CNTN4: variants seen among roughly 807,000 people sequenced by gnomAD.
CNTN4 encodes the protein contactin-4.
A neutral mutation model predicts 122.5 loss-of-function variants in CNTN4; 77 were observed. That is an observed-to-expected ratio of 0.63 (90% confidence interval 0.52 to 0.76). The LOEUF is 0.76. Among genes scored for constraint, CNTN4 ranks in the 30% least tolerant of loss-of-function variants. The pLI, the probability that CNTN4 is intolerant of heterozygous loss-of-function variation, is 0.00. For synonymous variants in CNTN4, 512 were observed against 447.0 expected, an observed-to-expected ratio of 1.15 and a Z score of -1.83; for missense variants, 1,256 against 1,259.1, an observed-to-expected ratio of 1.00 and a Z score of 0.04.
chr3:2,671,469 G>A (rs943122201), intron 4 of CNTN4, among the ~76,000 whole-genome samples: 2 of 151,998 alleles, frequency 1.3e-5, no homozygotes, highest in Non-Finnish European at 2.9e-5. Context: ...CCCTTCATTG[G>A]TTATTCTAGT....
chr3:2,768,215 G>A (rs192653627), intron 6 of CNTN4, among the ~76,000 whole-genome samples: 4 of 152,176 alleles, frequency 2.6e-5, no homozygotes, highest in African/African-American at 4.8e-5. Flanking sequence ...TGGCGAATCC[G>A]GTAATATAAA....
chr3:2,415,250 C>G (rs1283250370), intron 3 of CNTN4, among the ~76,000 whole-genome samples: 1 of 152,132 alleles, frequency 6.6e-6, no homozygotes, highest in East Asian at 1.9e-4. Context: ...GCATGAATGA[C>G]CATTCAAGGA....
intron 3 of CNTN4, among the ~76,000 whole-genome samples, chr3:2,485,268 C>T (rs990045533): frequency 2.0e-5 from 3 of 152,210 alleles, no homozygotes; most frequent in African/African-American, 4.8e-5. Context: ...CCGGTCCCAT[C>T]GACTGCCCAA....
rs752325056 is a variant in CNTN4, at chr3:2,819,586, A to G, written c.454+5A>G. 1 of 1,598,942 alleles carries G rather than the reference A, an allele frequency of 6.3e-7. No individual in the cohort carries two copies. The highest frequency in any genetic ancestry group is 1.1e-5 in the South Asian group (1 of 90,778). On this transcript the variant is annotated splice_donor_5th_base_variant and intron_variant, in intron 7 of 24. Coordinates refer to ENST00000418658, the MANE Select transcript of CNTN4 (RefSeq NM_175607.3). ...GCCCGCCACCCCATTCTGGAGGTAC[A>G]TATAAATGAACTGACATATGCATGC...
rs1234965735 is a variant in CNTN4 at position 2,459,313 on chromosome 3, G to A, written c.-88-112103G>A. Among the ~76,000 whole-genome samples the A allele has an allele frequency of 2.6e-5, 4 of 152,132 alleles. No individual in the cohort carries two copies. In the South Asian group the frequency reaches 6.2e-4, roughly 24 times the overall value. On this transcript the variant is annotated intron_variant, in intron 3 of 24. Transcript: ENST00000418658. ...GTTGTATGCATATCTAAAATAAAATGTGCATTTAGAATTGGCCACATGTGG... is the reference window on the plus strand; with the variant it reads ...GTTGTATGCATATCTAAAATAAAATATGCATTTAGAATTGGCCACATGTGG...
chr3:2,855,038 C>T (rs747424425), intron 7 of CNTN4, among the ~76,000 whole-genome samples: 1 of 152,132 alleles, frequency 6.6e-6, no homozygotes, highest in Non-Finnish European at 1.5e-5. Flanking sequence ...ACGAGTGACC[C>T]GTACAATACT....
At chr3:2,576,017 A>G (rs1294788297) in intron 4 of CNTN4, among the ~76,000 whole-genome samples, 2 of 151,676 alleles carry the variant, frequency 1.3e-5, no homozygotes, top group East Asian at 3.9e-4. Flanking sequence ...TTGTATTTTT[A>G]GTAGAGACGG....
intron 8 of CNTN4, among the ~76,000 whole-genome samples, chr3:2,880,060 A>G (rs1198536994): frequency 6.6e-6 from 1 of 152,192 alleles, no homozygotes; most frequent in East Asian, 1.9e-4. Flanking sequence ...GGACGCGGAG[A>G]TAACAGTTCA....
In CNTN4 at chr3:2,329,744, T is replaced by TA. The variant is rs397761721; in HGVS notation, c.-144-9433dup. Among the ~76,000 whole-genome samples, 28 of 152,052 alleles carry TA rather than the reference T, an allele frequency of 1.8e-4. 1 individual carries two copies. Among genetic ancestry groups the TA allele is most frequent in the East Asian group, 7.7e-4 (4 of 5,168 alleles). ...TCTGCCTTATTGAGGCATTTTTTTT[T>TA]ATTAAAAACAGCCTTTGCTTTGTAC... On this transcript the variant is annotated intron_variant, in intron 2 of 24. Coordinates refer to ENST00000418658, the MANE Select transcript of CNTN4 (RefSeq NM_175607.3).
chr3:2,822,231 G>A (rs548587828), intron 7 of CNTN4, among the ~76,000 whole-genome samples: 124 of 152,296 alleles, frequency 8.1e-4, no homozygotes, highest in African/African-American at 2.9e-3. Flanking sequence ...TTTGGACTCT[G>A]GGATATGAGT....
At chr3:2,723,515 G>A (rs1307478733) in intron 4 of CNTN4, among the ~76,000 whole-genome samples, 2 of 152,188 alleles carry the variant, frequency 1.3e-5, no homozygotes, top group Non-Finnish European at 2.9e-5. Context: ...GTGGCACCCT[G>A]TTATTGCGTC....
intron 2 of CNTN4, among the ~76,000 whole-genome samples, chr3:2,296,830 G>T (rs2042333409): frequency 6.7e-6 from 1 of 149,884 alleles, no homozygotes; most frequent in African/African-American, 2.5e-5. Context: ...CAATGAGGTA[G>T]AAAATTGGAT....
At chr3:2,188,165 C>T (rs1294953254) in intron 2 of CNTN4, among the ~76,000 whole-genome samples, 2 of 152,104 alleles carry the variant, frequency 1.3e-5, no homozygotes, top group African/African-American at 2.4e-5. Flanking sequence ...TAGAATTTTC[C>T]TGGGTGCTTC....
At chr3:2,166,946 G>C (rs909118094) in intron 2 of CNTN4, among the ~76,000 whole-genome samples, 2 of 151,990 alleles carry the variant, frequency 1.3e-5, no homozygotes, top group South Asian at 4.1e-4. Flanking sequence ...AGAAAGAAAC[G>C]AGAAAATATA....
At chr3:2,323,348 G>C (rs1437003375) in intron 2 of CNTN4, among the ~76,000 whole-genome samples, 1 of 152,108 alleles carries the variant, frequency 6.6e-6, no homozygotes, top group Admixed American at 6.6e-5. Flanking sequence ...GAAAATGGGA[G>C]AACGTTGTTG....
At position 3,012,443 on chromosome 3, in the gene CNTN4, G is replaced by GT. The variant is rs573609646; in HGVS notation, c.1487-13653dup. Among the ~76,000 whole-genome samples, 157 of 151,912 alleles carry GT rather than the reference G, an allele frequency of 1.0e-3. 1 individual carries two copies. The highest frequency in any genetic ancestry group is 3.5e-3 in the African/African-American group (147 of 41,462). ...TATTCTTGTTTGTTTGATCGGTTTG[G>GT]TTTTTTGTTTTTGTTTTTGTTTTTG... On this transcript the variant is annotated intron_variant, in intron 14 of 24. Coordinates refer to ENST00000418658, the MANE Select transcript of CNTN4 (RefSeq NM_175607.3).
At chr3:2,750,333 TTATTTC>T (rs1294666788) in intron 6 of CNTN4, among the ~76,000 whole-genome samples, 3 of 152,250 alleles carry the variant, frequency 2.0e-5, no homozygotes, top group Admixed American at 6.5e-5. Flanking sequence ...AAGGTAGACA[TTATTTC>T]TATTGATTAT....
chr3:2,976,107 T>G (rs1365776983), intron 13 of CNTN4, among the ~76,000 whole-genome samples: 8 of 152,198 alleles, frequency 5.3e-5, no homozygotes, highest in Non-Finnish European at 8.8e-5. Context: ...ATGCTTACCA[T>G]GTGAATAAAT....
chr3:3,016,055 A>T (rs895202251), intron 14 of CNTN4, among the ~76,000 whole-genome samples: 9 of 152,178 alleles, frequency 5.9e-5, no homozygotes, highest in African/African-American at 2.2e-4. Context: ...AACAGAAAAC[A>T]TTCTAATTAT....
Sources: allele counts gnomAD v4.1 joint callset (sites outside exome capture counted in the v4.1 genomes callset), GRCh38; gene constraint gnomAD v4.1.1; transcripts MANE v1.5; gene names NCBI Gene and HGNC (gene_info 2026-07-23, HGNC 2026-07-21).